The following QTMAN variants were observed in gnomAD, a reference collection of about 807,000 sequenced individuals.
The protein encoded by QTMAN is queuosine-tRNA mannosyltransferase, also known as tRNA-queuosine alpha-mannosyltransferase.
chr2:144,250,673 CA>C, the QTMAN span, among the ~76,000 whole-genome samples: 1 of 149,416 alleles, frequency 6.7e-6, no homozygotes, highest in African/African-American at 2.5e-5. Flanking sequence ...GTGAGATCAA[CA>C]CACTGCCATC....
chr2:144,107,569 C>A, the QTMAN span, among the ~76,000 whole-genome samples: 1 of 152,208 alleles, frequency 6.6e-6, no homozygotes, highest in African/African-American at 2.4e-5. Flanking sequence ...AGTTGAATCT[C>A]TGAATAGACC....
the QTMAN span, among the ~76,000 whole-genome samples, chr2:144,063,343 G>C: frequency 6.6e-6 from 1 of 152,278 alleles, no homozygotes; most frequent in East Asian, 1.9e-4. Flanking sequence ...GATTGAGTCA[G>C]TTGAAATTAG....
chr2:144,075,109 G>C, the QTMAN span, among the ~76,000 whole-genome samples: 1 of 152,140 alleles, frequency 6.6e-6, no homozygotes, highest in African/African-American at 2.4e-5. Flanking sequence ...CTTTCTCACT[G>C]ATTCTACCTT....
chr2:144,010,134 C>G, the QTMAN span, among the ~76,000 whole-genome samples: 1 of 150,124 alleles, frequency 6.7e-6, no homozygotes, highest in Admixed American at 6.6e-5. Flanking sequence ...AAAACAGTAT[C>G]ATGACCCATC....
At chr2:144,072,937 GAC>G in the QTMAN span, among the ~76,000 whole-genome samples, 1 of 152,158 alleles carries the variant, frequency 6.6e-6, no homozygotes, top group African/African-American at 2.4e-5. Context: ...TCTTGAAGCA[GAC>G]ACAGGGGGAT....
the QTMAN span, among the ~76,000 whole-genome samples, chr2:144,312,367 G>A: frequency 5.9e-5 from 9 of 151,660 alleles, no homozygotes; most frequent in African/African-American, 1.2e-4. Context: ...CCATTATCCC[G>A]CCCACAGTCC....
chr2:144,146,524 G>A, the QTMAN span, among the ~76,000 whole-genome samples: 1 of 151,622 alleles, frequency 6.6e-6, no homozygotes, highest in Non-Finnish European at 1.5e-5. Flanking sequence ...TGCCTACTAT[G>A]TGCCAGGGTC....
the QTMAN span, among the ~76,000 whole-genome samples, chr2:144,230,971 A>C: frequency 6.6e-6 from 1 of 152,212 alleles, no homozygotes; most frequent in Non-Finnish European, 1.5e-5. Context: ...AGAGGAACTC[A>C]TATGGTACTA....
At chr2:143,948,086 C>T in the QTMAN span, among the ~76,000 whole-genome samples, 1 of 152,096 alleles carries the variant, frequency 6.6e-6, no homozygotes, top group Non-Finnish European at 1.5e-5. Context: ...GTGAGCAACA[C>T]CTTATTCAAA....
At chr2:144,169,579 T>C in the QTMAN span, among the ~76,000 whole-genome samples, 1 of 152,162 alleles carries the variant, frequency 6.6e-6, no homozygotes, top group Non-Finnish European at 1.5e-5. Flanking sequence ...TTATTGTTAT[T>C]CAAATGGATT....
chr2:144,066,167 CT>C, the QTMAN span, among the ~76,000 whole-genome samples: 2 of 140,848 alleles, frequency 1.4e-5, no homozygotes, highest in African/African-American at 5.3e-5. Context: ...CTTTTTTTTT[CT>C]TTTTTTATTA....
chr2:144,055,367 A>ACC, the QTMAN span, among the ~76,000 whole-genome samples: 4 of 144,020 alleles, frequency 2.8e-5, no homozygotes, highest in East Asian at 2.0e-4. Flanking sequence ...ACACACACAC[A>ACC]CCCCTCTGAG....
the QTMAN span, among the ~76,000 whole-genome samples, chr2:144,035,296 A>G: frequency 3.3e-5 from 5 of 152,132 alleles, no homozygotes; most frequent in African/African-American, 1.2e-4. Flanking sequence ...CTATGGAACC[A>G]TGAGCCAATG....
chr2:144,135,255 C>T, the QTMAN span, among the ~76,000 whole-genome samples: 5 of 152,098 alleles, frequency 3.3e-5, no homozygotes, highest in African/African-American at 9.7e-5. Context: ...GGGGGACAGA[C>T]GGAAGAAGTT....
At chr2:144,299,686 T>A in the QTMAN span, among the ~76,000 whole-genome samples, 4 of 152,220 alleles carry the variant, frequency 2.6e-5, no homozygotes, top group Non-Finnish European at 4.4e-5. Flanking sequence ...CTGGTGGGAA[T>A]ACAAAATGGT....
the QTMAN span, among the ~76,000 whole-genome samples, chr2:144,143,235 A>G: frequency 6.6e-6 from 1 of 152,020 alleles, no homozygotes; most frequent in Non-Finnish European, 1.5e-5. Context: ...CTGTAATCCT[A>G]TCGTAAGTTG....
At chr2:144,029,480 C>T in the QTMAN span, among the ~76,000 whole-genome samples, 2 of 152,182 alleles carry the variant, frequency 1.3e-5, no homozygotes, top group African/African-American at 4.8e-5. Flanking sequence ...ATGATGACAA[C>T]CACTACCCGC....
At chr2:144,133,460 T>C in the QTMAN span, among the ~76,000 whole-genome samples, 1 of 59,238 alleles carries the variant, frequency 1.7e-5, no homozygotes, top group African/African-American at 6.5e-5. Flanking sequence ...ATATATAATA[T>C]ATATTATATA....
At chr2:144,103,000 T>C in the QTMAN span, among the ~76,000 whole-genome samples, 1 of 152,090 alleles carries the variant, frequency 6.6e-6, no homozygotes, top group Non-Finnish European at 1.5e-5. Flanking sequence ...ACTTTCACTA[T>C]CACCTGAGAA....
Sources: gnomAD v4.1 joint callset for allele counts (sites outside exome capture counted in the v4.1 genomes callset) on GRCh38, gnomAD v4.1.1 for gene constraint, MANE v1.5 for transcripts, NCBI Gene and HGNC (gene_info 2026-07-23, HGNC 2026-07-21) for gene names.